PPFIA4: variants seen among roughly 807,000 people sequenced by gnomAD.
PPFIA4 encodes the protein PPFI scaffold protein A4.
A neutral mutation model predicts 145.7 loss-of-function variants in PPFIA4; 98 were observed. The ratio of observed to expected loss-of-function variants is 0.67; its 90% CI spans 0.57 to 0.80. The LOEUF (loss-of-function observed/expected upper bound fraction) is 0.80. PPFIA4 is among the 30% of genes least tolerant of loss of function. The pLI, the probability that PPFIA4 is intolerant of heterozygous loss-of-function variation, is 0.00. For missense variants in PPFIA4, 1,457 were observed against 1,632.7 expected, an observed-to-expected ratio of 0.89 and a Z score of 1.85; for synonymous variants, 628 against 649.6, an observed-to-expected ratio of 0.97 and a Z score of 0.51.
In PPFIA4 at chr1:203,061,044, C is replaced by T. The variant is rs374519785; in HGVS notation, c.2847+12C>T. The T allele has an allele frequency of 3.1e-6, 5 of 1,613,742 alleles. No homozygotes were observed. The highest frequency in any genetic ancestry group is 4.2e-6 in the Non-Finnish European group (5 of 1,179,662). On this transcript the variant is annotated intron_variant, in intron 23 of 29. Transcript: ENST00000295706. Reference sequence around the variant, plus strand: ...CATCTACTAAAACAGTGAGTCTGGCCCTTGGCCTTTGTCCCTGGGCCTGGG... The same window carrying T: ...CATCTACTAAAACAGTGAGTCTGGCTCTTGGCCTTTGTCCCTGGGCCTGGG...
At position 203,056,124 on chromosome 1, in the gene PPFIA4, G is replaced by A; in HGVS notation, c.2075G>A (p.Ser692Asn). The change falls in exon 17 of 30, where the codon AGT (serine) becomes AAT (asparagine). Residue 692 changes from serine to asparagine, a missense_variant. By Grantham distance (46) the Ser-to-Asn change is conservative (BLOSUM62 1). Coordinates refer to ENST00000295706, the MANE Select transcript of PPFIA4 (RefSeq NM_001304331.2). ...LDRMGVMTLP[S>N]DLRKHRRKLL... ...ACCCATCCCTCTCTCTTGCAGCCCA[G>A]TGACTTAAGAAAGCATAGGAGGAAG... is the stretch of plus-strand genomic sequence containing the variant. The A allele has an allele frequency of 6.2e-7, 1 of 1,614,028 alleles. No individual in the cohort carries two copies. Among genetic ancestry groups the A allele is most frequent in the Non-Finnish European group, 8.5e-7 (1 of 1,179,898 alleles).
Position 203,038,736 on chromosome 1 carries a change from G to T in PPFIA4, c.-273G>T. 3.5e-6 allele frequency: 1 copy of T among 284,924 alleles called. No individual in the cohort carries two copies. Among genetic ancestry groups the T allele is most frequent in the South Asian group, 5.7e-5 (1 of 17,466 alleles). 17.6% of individuals were successfully genotyped at this position (284,924 alleles called of 1,614,324 possible). ...GTCCCTGCCTGTCATGGCCACATTC[G>T]GCTGCTGTCTGCATGTCTGGGGACA... On this transcript the variant is annotated 5_prime_UTR_variant, in exon 2 of 30. Coordinates refer to ENST00000295706, the MANE Select transcript of PPFIA4 (RefSeq NM_001304331.2).
At chr1:203,035,916 G>T (rs1659219604) in intron 1 of PPFIA4, among the ~76,000 whole-genome samples, 1 of 152,216 alleles carries the variant, frequency 6.6e-6, no homozygotes. Flanking sequence ...TTGGCCAGGG[G>T]AAGTGGAGTT....
chr1:203,030,569 G>C (rs1039266318), intron 1 of PPFIA4, among the ~76,000 whole-genome samples: 1 of 152,220 alleles, frequency 6.6e-6, no homozygotes, highest in Non-Finnish European at 1.5e-5. Flanking sequence ...GCTTAAACTA[G>C]GCTAGTTGTG....
intron 23 of PPFIA4, 100 bp downstream of exon 23, chr1:203,061,132 T>A: frequency 1.8e-6 from 2 of 1,122,746 alleles, no homozygotes; most frequent in Non-Finnish European, 2.7e-6. Context: ...TGGGCTGCCA[T>A]CGATCTCACG....
At chr1:203,050,924 T>C (rs1201595397) in intron 13 of PPFIA4, among the ~76,000 whole-genome samples, 1 of 151,778 alleles carries the variant, frequency 6.6e-6, no homozygotes, top group Non-Finnish European at 1.5e-5. Flanking sequence ...GGTTCGACTA[T>C]AGAATCATTG....
rs866426332 is a variant in PPFIA4, at chr1:203,061,673, G to T, written c.2869G>T (p.Ala957Ser). The change falls in exon 24 of 30, where the codon GCT becomes TCT. Residue 957 changes from alanine (A) to serine (S), a missense_variant. Transcript: ENST00000295706. The part of the protein sequence containing the change: ...TKTDSEEGSW[A>S]QTLAYGDMNH... ...CTAGGACAGTGAGGAGGGCAGCTGG[G>T]CTCAGGTAAGACTCCCTACCCTGTC... The T allele has an allele frequency of 6.4e-7, 1 of 1,565,928 alleles. No individual in the cohort carries two copies. The highest frequency in any genetic ancestry group is 8.7e-7 in the Non-Finnish European group (1 of 1,154,958).
At position 203,048,339 on chromosome 1, in the gene PPFIA4, C is replaced by T; in HGVS notation, c.1224+29C>T. The T allele has an allele frequency of 6.2e-7, 1 of 1,603,652 alleles. No homozygotes were observed. The highest frequency in any genetic ancestry group is 8.5e-7 in the Non-Finnish European group (1 of 1,175,126). On this transcript the variant is annotated intron_variant, in intron 10 of 29. Transcript: ENST00000295706. The surrounding 1 kb of genome is among the most constrained non-coding windows in gnomAD (Gnocchi z 5.8). Reference sequence around the variant, plus strand: ...AGGGCACCAGGCCGGGCCCTCAGGCCCCCTCCTTCCCGCAGGACAGGCTCC... The same window carrying T: ...AGGGCACCAGGCCGGGCCCTCAGGCTCCCTCCTTCCCGCAGGACAGGCTCC...
In PPFIA4 at chr1:203,053,855, G is replaced by C; in HGVS notation, c.1723G>C (p.Gly575Arg). Residue 575 changes from glycine to arginine, a missense_variant, in exon 15 of 30, where the codon GGT becomes CGT. Around this residue, in one of 3 missense-constraint regions of PPFIA4, gnomAD observed 848 missense variants for 1,046.7 expected, o/e 0.81. Transcript: ENST00000295706. ...CGACGTGGATGAGGATGAGCCAGGG[G>C]GTCTGGTGGGCTCTGCGGATGTTGT... Reference protein sequence around the residue: ...ISDVDEDEPGGLVGSADVVSP... With the variant: ...ISDVDEDEPGRLVGSADVVSP... The C allele has an allele frequency of 3.2e-6, 5 of 1,556,014 alleles. No homozygotes were observed. Among genetic ancestry groups the C allele is most frequent in the Non-Finnish European group, 4.4e-6 (5 of 1,149,322 alleles).
At chr1:203,076,265 C>T (rs1662534386) in intron 29 of PPFIA4, 76 bp from the exon 30 acceptor site, 5 of 1,492,008 alleles carry the variant, frequency 3.4e-6, no homozygotes, top group Non-Finnish European at 4.6e-6. Context: ...CGCTGTCGCA[C>T]ACATCCTACA....
intron 9 of PPFIA4, among the ~76,000 whole-genome samples, chr1:203,046,722 G>A (rs1452760134): frequency 1.3e-5 from 2 of 150,058 alleles, no homozygotes; most frequent in Non-Finnish European, 2.9e-5. Flanking sequence ...ACTTGGGGCT[G>A]GAGCAGAAAG....
At chr1:203,056,257 A>C in intron 17 of PPFIA4, 102 bp downstream of exon 17, 1 of 1,600,994 alleles carries the variant, frequency 6.2e-7, no homozygotes, top group Non-Finnish European at 8.5e-7. Flanking sequence ...GTCTGAACTC[A>C]GAGAGGCACC....
chr1:203,029,260 G>T (rs1194781652), intron 1 of PPFIA4, among the ~76,000 whole-genome samples: 1 of 152,190 alleles, frequency 6.6e-6, no homozygotes, highest in Non-Finnish European at 1.5e-5. Flanking sequence ...GCCTCCTTGA[G>T]GTGTCTCCAT....
At position 203,076,353 on chromosome 1, in the gene PPFIA4, A is replaced by G. The variant is rs1197157108; in HGVS notation, c.3587A>G (p.Tyr1196Cys). Reference protein sequence around the residue: ...KKIMPEAHSHYLYGHMLSAFR... With the variant: ...KKIMPEAHSHCLYGHMLSAFR... ...CTCTCTCCCTCAGCTCACTCCCACT[A>G]TCTCTACGGACACATGCTCTCCGCC... Residue 1196 changes from tyrosine (Y) to cysteine (C), a missense_variant, in exon 30 of 30, where the codon TAT (tyrosine) becomes TGT (cysteine). Tyr to Cys is a radical substitution (Grantham distance 194). Transcript: ENST00000295706. 1 of 1,606,630 alleles carries G rather than the reference A, an allele frequency of 6.2e-7. No homozygotes were observed. The highest frequency in any genetic ancestry group is 1.7e-5 in the Admixed American group (1 of 60,010).
intron 25 of PPFIA4, among the ~76,000 whole-genome samples, chr1:203,066,962 G>T (rs186993248): frequency 6.6e-6 from 1 of 152,252 alleles, no homozygotes; most frequent in East Asian, 1.9e-4. Flanking sequence ...ATTAGACCAG[G>T]GTGAGAGGGA....
chr1:203,044,545 C>T, intron 5 of PPFIA4, 92 bp downstream of exon 5: 2 of 1,436,442 alleles, frequency 1.4e-6, no homozygotes, highest in Non-Finnish European at 1.9e-6. Context: ...AGATTTCTCC[C>T]TGCCATGGCT....
chr1:203,046,397 G>C lies in PPFIA4; in HGVS notation c.1140+15G>C. ...CCCTCACCAAGGCAAGTGGGCCAGG[G>C]GCCTGGGATCTGCCTCTGTCCCCCA... On this transcript the variant is annotated intron_variant, in intron 9 of 29. Coordinates refer to ENST00000295706, the MANE Select transcript of PPFIA4 (RefSeq NM_001304331.2). 1 of 1,577,744 alleles carries C rather than the reference G, an allele frequency of 6.3e-7. No individual in the cohort carries two copies. Among genetic ancestry groups the C allele is most frequent in the Non-Finnish European group, 8.6e-7 (1 of 1,163,238 alleles).
At chr1:203,063,797 C>T (rs776124237) in intron 24 of PPFIA4, 31 bp from the exon 25 acceptor site, 1 of 1,612,608 alleles carries the variant, frequency 6.2e-7, no homozygotes, top group African/African-American at 1.3e-5. Flanking sequence ...CTTCCTCCCC[C>T]ATAATAGCCT....
rs755229421 is a variant in PPFIA4, at chr1:203,045,917, C to T, written c.935C>T (p.Ala312Val). 24 of 1,612,732 alleles carry T rather than the reference C, an allele frequency of 1.5e-5. No homozygotes were observed. Among genetic ancestry groups the T allele is most frequent in the Middle Eastern group, 1.6e-4 (1 of 6,084 alleles). Residue 312 changes from alanine to valine, a missense_variant, in exon 8 of 30, where the codon GCA (alanine) becomes GTA (valine). This residue lies in a region of PPFIA4 where 463 missense variants were observed against 459.8 expected (regional missense o/e 1.01). Transcript: ENST00000295706. ...CGCTACCTGGCTGCTCAGCGTGAGG[C>T]AACATCCATCCATGACCTCAATGAC... ...EKRYLAAQRE[A>V]TSIHDLNDKL... is the part of the protein sequence containing the mutation.
Sources: gnomAD v4.1 joint callset for allele counts (sites outside exome capture counted in the v4.1 genomes callset) on GRCh38, gnomAD v4.1.1 for gene constraint, gnomAD v4.1.1 regional missense constraint, Gnocchi (gnomAD v3.1) non-coding constraint, MANE v1.5 for transcripts, NCBI Gene and HGNC (gene_info 2026-07-23, HGNC 2026-07-21) for gene names.